The following MYO1D variants were observed in gnomAD, a reference collection of about 807,000 sequenced individuals.
MYO1D encodes the protein myosin ID.
A neutral mutation model predicts 122.0 loss-of-function variants in MYO1D; 83 were observed. That is an observed-to-expected ratio of 0.68 (90% CI 0.57 to 0.82). The LOEUF (loss-of-function observed/expected upper bound fraction) is 0.82, where lower values mean the gene tolerates loss of function less well. MYO1D is among the 40% of genes least tolerant of loss of function. The pLI is 0.00. For synonymous variants in MYO1D, 464 were observed against 446.9 expected (o/e 1.04, Z -0.48); for missense variants, 1,157 against 1,269.5 (o/e 0.91, Z 1.35).
chr17:32,576,542 T>C (rs1470678979), intron 21 of MYO1D, among the ~76,000 whole-genome samples: 4 of 152,240 alleles, frequency 2.6e-5, no homozygotes, highest in African/African-American at 9.6e-5. Flanking sequence ...AATCATATGA[T>C]GGTAGTCCAT....
At chr17:32,688,482 G>A (rs761084919) in intron 16 of MYO1D, among the ~76,000 whole-genome samples, 2 of 152,184 alleles carry the variant, frequency 1.3e-5, no homozygotes, top group East Asian at 1.9e-4. Context: ...TTCTGGCAAA[G>A]ATGTAAAGAT....
chr17:32,625,659 C>G (rs2087918474), intron 20 of MYO1D, among the ~76,000 whole-genome samples: 1 of 152,018 alleles, frequency 6.6e-6, no homozygotes, highest in African/African-American at 2.4e-5. Flanking sequence ...AAGCAATTGT[C>G]CTTCCTCAGC....
chr17:32,755,792 G>C (rs1343200568), intron 10 of MYO1D, 130 bp from the exon 11 acceptor site: 1 of 685,092 alleles, frequency 1.5e-6, no homozygotes, highest in Non-Finnish European at 2.4e-6. Context: ...TAACATTAAA[G>C]AGGTCTTACG....
chr17:32,510,898 C>T (rs1465253603), intron 21 of MYO1D: 1 of 151,534 alleles, frequency 6.6e-6, no homozygotes, highest in African/African-American at 2.4e-5. Flanking sequence ...CATAATGAAA[C>T]CTTTCAAAAC....
chr17:32,784,300 T>G (rs2090270331), intron 1 of MYO1D, among the ~76,000 whole-genome samples: 1 of 152,204 alleles, frequency 6.6e-6, no homozygotes. Context: ...GAGTTCATTC[T>G]GCCTCACACC....
chr17:32,558,758 A>C lies in MYO1D; in HGVS notation c.2864+46329T>G, dbSNP rs562482066. ...TACTTCCTCTGCTTTGAATAATACCAGTACCCTACATCTGACAGGGAGTAT... is the reference window on the plus strand; with the variant it reads ...TACTTCCTCTGCTTTGAATAATACCCGTACCCTACATCTGACAGGGAGTAT... On this transcript the variant is annotated intron_variant, in intron 21 of 21. Transcript: ENST00000318217. Among the ~76,000 whole-genome samples, 3 of 152,356 alleles carry C rather than the reference A, an allele frequency of 2.0e-5. No individual in the cohort carries two copies. In the South Asian group the frequency reaches 6.2e-4, roughly 32 times the overall value.
intron 13 of MYO1D, among the ~76,000 whole-genome samples, chr17:32,743,260 C>G (rs574285156): frequency 6.6e-6 from 1 of 152,158 alleles, no homozygotes; most frequent in Admixed American, 6.5e-5. Context: ...TAAATACAAT[C>G]AATACACTGA....
At chr17:32,525,957 G>T (rs1451165819) in intron 21 of MYO1D, among the ~76,000 whole-genome samples, 1 of 152,124 alleles carries the variant, frequency 6.6e-6, no homozygotes, top group African/African-American at 2.4e-5. Context: ...TGCCACGATG[G>T]TTTTGCCTTT....
chr17:32,533,294 A>T (rs1910568090), intron 21 of MYO1D, among the ~76,000 whole-genome samples: 1 of 151,932 alleles, frequency 6.6e-6, no homozygotes. Context: ...GTTCATGGCC[A>T]CCCATCACCC....
chr17:32,844,371 G>GTA (rs1248361847), intron 1 of MYO1D, among the ~76,000 whole-genome samples: 3 of 139,418 alleles, frequency 2.2e-5, no homozygotes, highest in Admixed American at 7.2e-5. Flanking sequence ...ATTATATATA[G>GTA]TATATATGTG....
At chr17:32,725,514 C>G (rs376037358) in intron 14 of MYO1D, among the ~76,000 whole-genome samples, 2 of 149,616 alleles carry the variant, frequency 1.3e-5, no homozygotes, top group Non-Finnish European at 3.0e-5. Context: ...GAGCGAGACT[C>G]CATCTTAAAG....
chr17:32,748,325 C>A (rs1018006957), intron 12 of MYO1D, among the ~76,000 whole-genome samples: 1 of 152,024 alleles, frequency 6.6e-6, no homozygotes, highest in East Asian at 1.9e-4. Context: ...CACCTAGGGG[C>A]CTTTTTATGC....
intron 16 of MYO1D, among the ~76,000 whole-genome samples, chr17:32,674,554 C>T (rs1393329700): frequency 1.3e-5 from 2 of 152,014 alleles, no homozygotes; most frequent in Non-Finnish European, 2.9e-5. Context: ...TTATTCTTGA[C>T]ATTTGTTTGT....
intron 20 of MYO1D, chr17:32,627,725 C>G (rs917844568): frequency 1.3e-5 from 2 of 152,200 alleles, no homozygotes; most frequent in African/African-American, 4.8e-5. Flanking sequence ...CATTCATGGG[C>G]AGATTCAAAC....
At chr17:32,720,565 T>C (rs2089498114) in intron 15 of MYO1D, among the ~76,000 whole-genome samples, 1 of 152,196 alleles carries the variant, frequency 6.6e-6, no homozygotes, top group African/African-American at 2.4e-5. Flanking sequence ...ACACCAGTAA[T>C]GATAGGCAGT....
chr17:32,764,989 T>C lies in MYO1D; in HGVS notation c.924A>G (p.Thr308=), dbSNP rs2090040486. The C allele has an allele frequency of 1.2e-6, 2 of 1,614,118 alleles. No individual in the cohort carries two copies. Among genetic ancestry groups the C allele is most frequent in the African/African-American group, 2.7e-5 (2 of 74,952 alleles). The stretch of plus-strand genomic sequence containing the variant: ...AAAGAAGGGCTTTCTCAACCATATC[T>C]GTCTTAGTAGAGAGCAATTCTGCTA... The part of the protein sequence containing the change: ...SIIAELLSTK[T]DMVEKALLYR... Residue 308 remains threonine, a synonymous_variant, in exon 8 of 22, where the codon ACA becomes ACG. Coordinates refer to ENST00000318217, the MANE Select transcript of MYO1D (RefSeq NM_015194.3).
chr17:32,768,599 G>C (rs1439798902), intron 6 of MYO1D, among the ~76,000 whole-genome samples: 1 of 152,148 alleles, frequency 6.6e-6, no homozygotes, highest in Non-Finnish European at 1.5e-5. Context: ...TCTCTGCCTG[G>C]TGAGTACAAG....
intron 1 of MYO1D, among the ~76,000 whole-genome samples, chr17:32,803,369 A>C (rs531191488): frequency 1.3e-5 from 2 of 152,142 alleles, no homozygotes; most frequent in South Asian, 4.1e-4. Context: ...GATGGTCTCG[A>C]TCTCCTGACC....
At chr17:32,625,721 G>A (rs1455394025) in intron 20 of MYO1D, among the ~76,000 whole-genome samples, 2 of 152,068 alleles carry the variant, frequency 1.3e-5, no homozygotes, top group Non-Finnish European at 2.9e-5. Context: ...TGTAGAGATG[G>A]GGTTTCACTA....
Sources: gnomAD v4.1 joint callset for allele counts (sites outside exome capture counted in the v4.1 genomes callset) on GRCh38, gnomAD v4.1.1 for gene constraint, MANE v1.5 for transcripts, NCBI Gene and HGNC (gene_info 2026-07-23, HGNC 2026-07-21) for gene names.